Variants in TIMM23B observed in about 807,000 individuals in gnomAD.
TIMM23B encodes translocase of inner mitochondrial membrane 23 homolog B, also known as mitochondrial import inner membrane translocase subunit Tim23B.
TIMM23B carries 27 observed loss-of-function variants against 27.3 expected under a neutral mutation model. The ratio of observed to expected loss-of-function variants is 0.99; its 90% CI spans 0.73 to 1.36. The LOEUF is 1.36. Ranked by LOEUF, TIMM23B falls within the 40% of genes most tolerant of loss-of-function variation. The pLI, the probability that TIMM23B is intolerant of heterozygous loss-of-function variation, is 0.00. For missense variants in TIMM23B, 205 were observed against 244.2 expected (o/e 0.84, Z 1.07); for synonymous variants, 73 against 92.4 (o/e 0.79, Z 1.21).
chr10:49,970,824 A>T lies in TIMM23B; in HGVS notation c.515-2188A>T, dbSNP rs544533414. On this transcript the variant is annotated intron_variant, in intron 6 of 6. Transcript: ENST00000651259. Reference sequence around the variant, plus strand: ...CTGCCCGGCCGCCACCCCATCTGGGAGGTGTACCCAACAGCTCATTGAGAA... The same window carrying T: ...CTGCCCGGCCGCCACCCCATCTGGGTGGTGTACCCAACAGCTCATTGAGAA... Among the ~76,000 whole-genome samples, 7 of 152,310 alleles carry T rather than the reference A, an allele frequency of 4.6e-5. No individual in the cohort carries two copies. The East Asian group carries it at 1.2e-3, about 25-fold the overall frequency.
At chr10:49,970,656 G>T (rs1383641820) in intron 6 of TIMM23B, among the ~76,000 whole-genome samples, 1 of 149,910 alleles carries the variant, frequency 6.7e-6, no homozygotes, top group Admixed American at 6.6e-5. Context: ...CCCCGTCCGG[G>T]AGGGAGGTGG....
At chr10:49,968,562 C>G (rs1840272145) in intron 6 of TIMM23B, among the ~76,000 whole-genome samples, 1 of 152,238 alleles carries the variant, frequency 6.6e-6, no homozygotes, top group African/African-American at 2.4e-5. Context: ...AGGCCTGGCA[C>G]AGTGGCTCAT....
intron 5 of TIMM23B, among the ~76,000 whole-genome samples, chr10:49,955,481 CTGA>C (rs1441484332): frequency 3.3e-5 from 5 of 152,186 alleles, no homozygotes; most frequent in Non-Finnish European, 5.9e-5. Context: ...GTCTGTTTAC[CTGA>C]GTAGATTTCA....
intron 6 of TIMM23B, among the ~76,000 whole-genome samples, chr10:49,966,193 A>G (rs1214402157): frequency 2.7e-5 from 4 of 146,760 alleles, no homozygotes; most frequent in Non-Finnish European, 6.0e-5. Flanking sequence ...TAAATGAAAT[A>G]AAATGAAATG....
At chr10:49,953,354 G>A (rs1839604536) in intron 4 of TIMM23B, among the ~76,000 whole-genome samples, 2 of 152,128 alleles carry the variant, frequency 1.3e-5, no homozygotes, top group African/African-American at 4.8e-5. Context: ...TAAATTGTGT[G>A]GTTTTTTGAG....
In TIMM23B at chr10:49,963,107, G is replaced by A. The variant is rs529306936; in HGVS notation, c.514+4627G>A. ...GGGGTTTCTCCATGTTGGTCAGGCT[G>A]ATCTCGAACTCCCGACCTCAGGTTG... On this transcript the variant is annotated intron_variant, in intron 6 of 6. Coordinates refer to ENST00000651259, the MANE Select transcript of TIMM23B (RefSeq NM_001290117.2). Among the ~76,000 whole-genome samples the A allele has an allele frequency of 3.3e-4, 50 of 151,826 alleles. 1 individual carries two copies. The South Asian group carries it at 6.8e-3, about 21-fold the overall frequency.
intron 6 of TIMM23B, among the ~76,000 whole-genome samples, chr10:49,968,074 C>T (rs1159397559): frequency 2.6e-5 from 4 of 152,164 alleles, no homozygotes; most frequent in Admixed American, 2.6e-4. Flanking sequence ...TGCCCTTGTA[C>T]TGCCAATTGA....
intron 2 of TIMM23B, among the ~76,000 whole-genome samples, chr10:49,946,505 G>A (rs1324675266): frequency 1.3e-5 from 2 of 152,160 alleles, no homozygotes; most frequent in East Asian, 3.8e-4. Context: ...TCAGCAAGTT[G>A]CAGAATACAA....
chr10:49,962,617 A>G (rs1246555479), intron 6 of TIMM23B, among the ~76,000 whole-genome samples: 2 of 151,942 alleles, frequency 1.3e-5, no homozygotes, highest in Non-Finnish European at 2.9e-5. Context: ...CAGGGCCTTT[A>G]TTCTTGCTGT....
intron 6 of TIMM23B, among the ~76,000 whole-genome samples, chr10:49,968,045 C>G (rs1280937222): frequency 6.6e-6 from 1 of 152,230 alleles, no homozygotes; most frequent in Non-Finnish European, 1.5e-5. Context: ...CCCAACAAAA[C>G]TCTTACTGGC....
chr10:49,945,146 C>G, intron 2 of TIMM23B, 56 bp downstream of exon 2: 3 of 1,583,024 alleles, frequency 1.9e-6, no homozygotes, highest in Admixed American at 3.4e-5. Context: ...TAAAAAAACG[C>G]CAAGTGCTAT....
At chr10:49,953,607 A>G (rs1488342657) in intron 4 of TIMM23B, among the ~76,000 whole-genome samples, 1 of 152,096 alleles carries the variant, frequency 6.6e-6, no homozygotes, top group Non-Finnish European at 1.5e-5. Context: ...CAGCCTTCCA[A>G]ACTGCTGGGA....
At chr10:49,943,307 C>G (rs1839223276) in intron 1 of TIMM23B, 1 of 152,036 alleles carries the variant, frequency 6.6e-6, no homozygotes, top group Non-Finnish European at 1.5e-5. Context: ...CCTGGCACTC[C>G]TGAGCTCAAA....
At chr10:49,952,842 A>G (rs1427003577) in intron 4 of TIMM23B, among the ~76,000 whole-genome samples, 2 of 150,180 alleles carry the variant, frequency 1.3e-5, no homozygotes, top group Non-Finnish European at 3.0e-5. Context: ...TTGAGTTGCT[A>G]ATGGGAATTT....
At chr10:49,945,166 A>G in intron 2 of TIMM23B, 76 bp downstream of exon 2, 2 of 1,466,954 alleles carry the variant, frequency 1.4e-6, no homozygotes, top group Non-Finnish European at 1.9e-6. Context: ...TGCTGACTTG[A>G]ACTATGACAT....
rs1244867547 is a variant in TIMM23B at position 49,944,947 on chromosome 10, C to T, written c.107-85C>T. Reference sequence around the variant, plus strand: ...AGTGAGCCTATAAAAATTGCAAACACATGTAACAATCAGGAGCTGGATTAA... The same window carrying T: ...AGTGAGCCTATAAAAATTGCAAACATATGTAACAATCAGGAGCTGGATTAA... On this transcript the variant is annotated intron_variant, in intron 1 of 6. Coordinates refer to ENST00000651259, the MANE Select transcript of TIMM23B (RefSeq NM_001290117.2). 4.5e-5 allele frequency: 69 copies of T among 1,549,652 alleles called. No individual in the cohort carries two copies. The East Asian group carries it at 1.4e-3, about 30-fold the overall frequency.
At chr10:49,946,441 C>T (rs1488760847) in intron 2 of TIMM23B, among the ~76,000 whole-genome samples, 1 of 152,126 alleles carries the variant, frequency 6.6e-6, no homozygotes, top group Admixed American at 6.5e-5. Context: ...ATGATCTTAT[C>T]TATAGAAAAT....
At chr10:49,962,545 C>T (rs1401114561) in intron 6 of TIMM23B, among the ~76,000 whole-genome samples, 1 of 152,044 alleles carries the variant, frequency 6.6e-6, no homozygotes, top group East Asian at 1.9e-4. Flanking sequence ...GTAATTTGCT[C>T]CCTTGCCACT....
chr10:49,942,178 C>T lies in TIMM23B; in HGVS notation c.-17C>T, dbSNP rs1488425946. The T allele has an allele frequency of 1.3e-6, 2 of 1,576,098 alleles. No individual in the cohort carries two copies. The highest frequency in any genetic ancestry group is 2.7e-5 in the African/African-American group (2 of 73,994). ...GCTTGAGGCAGCGGCGGGAACCACT[C>T]GGTTTGCTGCGATACCATGGAAGGA... On this transcript the variant is annotated 5_prime_UTR_variant, in exon 1 of 7. Transcript: ENST00000651259.
Sources: gnomAD v4.1 joint callset for allele counts (sites outside exome capture counted in the v4.1 genomes callset) on GRCh38, gnomAD v4.1.1 for gene constraint, MANE v1.5 for transcripts, NCBI Gene and HGNC (gene_info 2026-07-23, HGNC 2026-07-21) for gene names.